Variants in UCP1 observed in about 807,000 individuals in gnomAD.
UCP1 encodes the protein uncoupling protein 1.
A neutral mutation model predicts 26.2 loss-of-function variants in UCP1; 24 were observed. That is an observed-to-expected ratio of 0.92 (90% confidence interval 0.66 to 1.29). The LOEUF (loss-of-function observed/expected upper bound fraction) is 1.29, where lower values mean the gene tolerates loss of function less well. UCP1 is among the 50% of genes most tolerant of loss of function. The probability of loss-of-function intolerance (pLI) is 0.00; values close to 1 mark genes in which losing one functional copy is unlikely to be tolerated. For missense variants in UCP1, 402 were observed against 388.7 expected (o/e 1.03, Z -0.29); for synonymous variants, 164 against 156.8 (o/e 1.05, Z -0.34).
intron 2 of UCP1, among the ~76,000 whole-genome samples, chr4:140,564,306 TAAG>T (rs1735752272): frequency 1.3e-5 from 2 of 152,168 alleles, no homozygotes; most frequent in East Asian, 1.9e-4. Flanking sequence ...GGAACAAAAA[TAAG>T]AAGACAGGAG....
chr4:140,563,227 A>G lies in UCP1; in HGVS notation c.527-16T>C, dbSNP rs753041529. The stretch of plus-strand genomic sequence containing the variant: ...GGAGTAGTCCCTGGGGAAAAAAAAA[A>G]AGAAAATGTTTATTAACTCTACTTT... On this transcript the variant is annotated splice_polypyrimidine_tract_variant and intron_variant, in intron 3 of 5. Coordinates refer to ENST00000262999, the MANE Select transcript of UCP1 (RefSeq NM_021833.5). 8.1e-6 allele frequency: 13 copies of G among 1,612,664 alleles called. No individual in the cohort carries two copies. Among genetic ancestry groups the G allele is most frequent in the Non-Finnish European group, 5.9e-6 (7 of 1,179,280 alleles).
chr4:140,567,029 A>G lies in UCP1; in HGVS notation c.325+750T>C, dbSNP rs368381285. Among the ~76,000 whole-genome samples the G allele has an allele frequency of 9.2e-5, 14 of 152,320 alleles. No homozygotes were observed. The East Asian group carries it at 1.9e-3, about 21-fold the overall frequency. ...CAGTTTTCCCATCTGCCAAGGGATA[A>G]TGGTACTAATACCCTTCCAGTTATA... On this transcript the variant is annotated intron_variant, in intron 2 of 5. Transcript: ENST00000262999.
chr4:140,560,017 A>AAG lies in UCP1; in HGVS notation c.810-9_810-8dup. On this transcript the variant is annotated splice_region_variant and splice_polypyrimidine_tract_variant and intron_variant, in intron 5 of 5. Coordinates refer to ENST00000262999, the MANE Select transcript of UCP1 (RefSeq NM_021833.5). ...CAAGAAGGAAGGTACCAACCTAGAA[A>AAG]AGTGCATGTCATCGTTCGATTAATT... 4 of 1,608,916 alleles carry AAG rather than the reference A, an allele frequency of 2.5e-6. No homozygotes were observed. The highest frequency in any genetic ancestry group is 3.4e-6 in the Non-Finnish European group (4 of 1,175,320).
intron 5 of UCP1, among the ~76,000 whole-genome samples, chr4:140,561,743 C>T (rs567550714): frequency 6.6e-6 from 1 of 152,198 alleles, no homozygotes; most frequent in East Asian, 1.9e-4. Flanking sequence ...AATAATTACC[C>T]AAATCAAATA....
chr4:140,563,407 T>C lies in UCP1; in HGVS notation c.437A>G (p.His146Arg), dbSNP rs1229342343. Residue 146 changes from histidine to arginine, a missense_variant, in exon 3 of 6, where the codon CAT becomes CGT. His to Arg is a conservative substitution (Grantham distance 29). Transcript: ENST00000262999. ...GTAGCGAGGTTTGATTCCGTGGAGA[T>C]GGCTCTGTGCTTGAAGTCTGACTTT... ...VVKVRLQAQSHLHGIKPRYTG... is the reference protein window; with the variant it reads ...VVKVRLQAQSRLHGIKPRYTG... 3 of 1,614,038 alleles carry C rather than the reference T, an allele frequency of 1.9e-6. No individual in the cohort carries two copies. In the East Asian group the frequency reaches 6.7e-5, roughly 36 times the overall value.
chr4:140,561,999 T>C (rs1578787055), intron 5 of UCP1, among the ~76,000 whole-genome samples, 194 bp downstream of exon 5: 1 of 152,158 alleles, frequency 6.6e-6, no homozygotes, highest in Non-Finnish European at 1.5e-5. Context: ...TTGAGAAAAT[T>C]TGAATATCAT....
At chr4:140,563,275 T>C in intron 3 of UCP1, 43 bp downstream of exon 3, 1 of 1,613,216 alleles carries the variant, frequency 6.2e-7, no homozygotes, top group Non-Finnish European at 8.5e-7. Context: ...TAGTTGTATG[T>C]ATGTGCTTTG....
At chr4:140,562,400 A>G (rs1735698081) in intron 4 of UCP1, 27 bp from the exon 5 acceptor site, 1 of 1,611,178 alleles carries the variant, frequency 6.2e-7, no homozygotes, top group African/African-American at 1.3e-5. Flanking sequence ...AAACAGGTCA[A>G]CATCAGACTT....
At chr4:140,568,463 T>G in intron 1 of UCP1, 141 bp downstream of exon 1, 1 of 1,417,134 alleles carries the variant, frequency 7.1e-7, no homozygotes, top group Non-Finnish European at 9.7e-7. Context: ...GCACCAGCCC[T>G]GGGACAAGGC....
In UCP1 at chr4:140,567,916, G is replaced by T. The variant is rs1283556144; in HGVS notation, c.188C>A (p.Thr63Asn). The T allele has an allele frequency of 6.2e-7, 1 of 1,614,178 alleles. No homozygotes were observed. The highest frequency in any genetic ancestry group is 1.7e-5 in the Admixed American group (1 of 60,022). ...CCGCCCTTCTGTTTTTACCACAGCG[G>T]TGATTGTTCCCAGGACACCTTTATA... ...IRYKGVLGTI[T>N]AVVKTEGRMK... Residue 63 changes from threonine to asparagine, a missense_variant, in exon 2 of 6, where the codon ACC becomes AAC. Thr to Asn is a moderately conservative substitution (Grantham distance 65). Transcript: ENST00000262999.
At chr4:140,564,975 T>C (rs1177713748) in intron 2 of UCP1, among the ~76,000 whole-genome samples, 1 of 152,226 alleles carries the variant, frequency 6.6e-6, no homozygotes, top group Non-Finnish European at 1.5e-5. Context: ...CTGCTGAAGA[T>C]GTTTTTGCTA....
chr4:140,568,101 C>A, intron 1 of UCP1, 124 bp from the exon 2 acceptor site: 1 of 926,454 alleles, frequency 1.1e-6, no homozygotes. Context: ...CATCCACCTC[C>A]CTCTACCGTG....
intron 5 of UCP1, among the ~76,000 whole-genome samples, chr4:140,561,620 C>T (rs909564109): frequency 5.3e-5 from 8 of 152,084 alleles, no homozygotes; most frequent in African/African-American, 1.4e-4. Context: ...ATTACAGGTG[C>T]GAGCCACCAC....
Position 140,562,415 on chromosome 4 carries a change from G to A in UCP1, c.629-42C>T, listed in dbSNP as rs748606428. On this transcript the variant is annotated intron_variant, in intron 4 of 5. Transcript: ENST00000262999. ...AAACAGGTCAACATCAGACTTTTGG[G>A]GGCTTGCAATTTAGTTATCTGTCAT... The A allele has an allele frequency of 7.5e-6, 12 of 1,606,904 alleles. No individual in the cohort carries two copies. The Admixed American group carries it at 2.0e-4, about 27-fold the overall frequency.
At chr4:140,562,430 T>G (rs1392253140) in intron 4 of UCP1, 57 bp from the exon 5 acceptor site, 1 of 1,561,952 alleles carries the variant, frequency 6.4e-7, no homozygotes, top group Non-Finnish European at 8.8e-7. Context: ...TGCAATTTAG[T>G]TATCTGTCAT....
chr4:140,567,251 C>CT (rs1330777997), intron 2 of UCP1, among the ~76,000 whole-genome samples: 1 of 152,212 alleles, frequency 6.6e-6, no homozygotes, highest in African/African-American at 2.4e-5. Context: ...TGAGGAACCT[C>CT]TTAAGAGGAA....
At chr4:140,563,754 C>T (rs535964691) in intron 2 of UCP1, among the ~76,000 whole-genome samples, 50 of 151,758 alleles carry the variant, frequency 3.3e-4, no homozygotes, top group Non-Finnish European at 5.2e-4. Flanking sequence ...ATTATAGGCA[C>T]GTGCCACCAC....
At chr4:140,566,845 C>A (rs759189640) in intron 2 of UCP1, among the ~76,000 whole-genome samples, 1 of 152,126 alleles carries the variant, frequency 6.6e-6, no homozygotes, top group South Asian at 2.1e-4. Flanking sequence ...CAGTGTTGTG[C>A]GGTTTGAATG....
chr4:140,568,044 C>A, intron 1 of UCP1, 67 bp from the exon 2 acceptor site: 1 of 1,543,820 alleles, frequency 6.5e-7, no homozygotes, highest in Non-Finnish European at 8.9e-7. Context: ...CAAGATTTCC[C>A]CCTGTGTTCC....
Sources: gnomAD v4.1 joint callset for allele counts (sites outside exome capture counted in the v4.1 genomes callset) on GRCh38, gnomAD v4.1.1 for gene constraint, MANE v1.5 for transcripts, NCBI Gene and HGNC (gene_info 2026-07-23, HGNC 2026-07-21) for gene names.